ABCC4: variants seen among roughly 807,000 people sequenced by gnomAD.
ABCC4 encodes ATP binding cassette subfamily C member 4 (PEL blood group).
ABCC4 carries 102 observed loss-of-function variants against 168.5 expected under a neutral mutation model. The ratio of observed to expected loss-of-function variants is 0.61; its 90% CI spans 0.52 to 0.71. The LOEUF (loss-of-function observed/expected upper bound fraction) is 0.71. Among genes scored for constraint, ABCC4 ranks in the 30% least tolerant of loss-of-function variants. The probability of loss-of-function intolerance (pLI) is 0.00; values close to 1 mark genes in which losing one functional copy is unlikely to be tolerated. For missense variants in ABCC4, 1,402 were observed against 1,605.8 expected, an observed-to-expected ratio of 0.87 and a Z score of 2.17; for synonymous variants, 617 against 590.7, an observed-to-expected ratio of 1.04 and a Z score of -0.65.
At chr13:95,247,162 C>A (rs2040128515) in intron 2 of ABCC4, 67 bp from the exon 3 acceptor site, 1 of 1,523,854 alleles carries the variant, frequency 6.6e-7, no homozygotes, top group Admixed American at 2.0e-5. Context: ...GGGGAGATGG[C>A]AGAGTGACAG....
chr13:95,192,867 C>G (rs543421944), intron 9 of ABCC4, among the ~76,000 whole-genome samples: 6 of 151,974 alleles, frequency 3.9e-5, no homozygotes, highest in Non-Finnish European at 8.8e-5. Context: ...TACAGTGAGC[C>G]GAAATCACAG....
At chr13:95,101,802 T>C (rs1412101119) in intron 20 of ABCC4, among the ~76,000 whole-genome samples, 1 of 152,232 alleles carries the variant, frequency 6.6e-6, no homozygotes, top group African/African-American at 2.4e-5. Context: ...TACAAACTCA[T>C]GTCCTAATAC....
At chr13:95,142,601 A>T (rs1208170271) in intron 19 of ABCC4, among the ~76,000 whole-genome samples, 3 of 152,104 alleles carry the variant, frequency 2.0e-5, no homozygotes, top group African/African-American at 7.2e-5. Flanking sequence ...AAAATTTTTA[A>T]ATTTAACAAA....
intron 19 of ABCC4, among the ~76,000 whole-genome samples, chr13:95,125,853 T>A (rs1023362204): frequency 6.6e-6 from 1 of 152,174 alleles, no homozygotes; most frequent in Non-Finnish European, 1.5e-5. Flanking sequence ...CCTTTACCCA[T>A]GGATCTCAAG....
intron 13 of ABCC4, among the ~76,000 whole-genome samples, chr13:95,176,926 T>C (rs1181529697): frequency 6.6e-6 from 1 of 152,198 alleles, no homozygotes; most frequent in Non-Finnish European, 1.5e-5. Context: ...TTATAGAATA[T>C]ACAGAAAAGA....
At chr13:95,274,432 A>C (rs374932395) in intron 1 of ABCC4, among the ~76,000 whole-genome samples, 1 of 152,184 alleles carries the variant, frequency 6.6e-6, no homozygotes, top group Non-Finnish European at 1.5e-5. Context: ...CACCCCAGGA[A>C]GCAGTATTTC....
intron 19 of ABCC4, among the ~76,000 whole-genome samples, chr13:95,159,206 T>C (rs1434285836): frequency 6.8e-6 from 1 of 147,180 alleles, no homozygotes; most frequent in African/African-American, 2.5e-5. Context: ...TCCTTCACCA[T>C]TGTAAAAAGT....
intron 3 of ABCC4, among the ~76,000 whole-genome samples, chr13:95,239,463 T>C (rs1030572871): frequency 6.6e-6 from 1 of 152,206 alleles, no homozygotes; most frequent in Admixed American, 6.5e-5. Flanking sequence ...ATTCCACAGC[T>C]GGGGCAAAAA....
chr13:95,256,490 TCACGCCTGTAATCCCAA>T (rs2040395655), intron 1 of ABCC4, among the ~76,000 whole-genome samples: 1 of 152,220 alleles, frequency 6.6e-6, no homozygotes, highest in South Asian at 2.1e-4. Flanking sequence ...GGACTGTGGC[TCACGCCTGTAATCCCAA>T]CACCTTGGGA....
At chr13:95,129,907 T>A (rs2035903052) in intron 19 of ABCC4, among the ~76,000 whole-genome samples, 2 of 151,974 alleles carry the variant, frequency 1.3e-5, no homozygotes, top group South Asian at 4.2e-4. Context: ...AAACCCTCTC[T>A]CCACTAAAAA....
chr13:95,267,661 T>A lies in ABCC4; in HGVS notation c.75-19908A>T, dbSNP rs371144700. Among the ~76,000 whole-genome samples, 63 of 152,360 alleles carry A rather than the reference T, an allele frequency of 4.1e-4. 2 individuals carry two copies. The South Asian group carries it at 0.012, about 29-fold the overall frequency. ...TTTGGCTGGGTTTTATCCCTGGTTC[T>A]TCTAAATCCTTGGAATGCTCCAAGT... On this transcript the variant is annotated intron_variant, in intron 1 of 30. Transcript: ENST00000645237.
chr13:95,242,071 GC>G (rs1450096664), intron 3 of ABCC4, among the ~76,000 whole-genome samples: 1 of 152,086 alleles, frequency 6.6e-6, no homozygotes, highest in African/African-American at 2.4e-5. Flanking sequence ...GTTAAAAAAG[GC>G]CTGAAAGTCA....
chr13:95,284,427 T>C (rs1488573419), intron 1 of ABCC4, among the ~76,000 whole-genome samples: 1 of 151,836 alleles, frequency 6.6e-6, no homozygotes, highest in Non-Finnish European at 1.5e-5. Context: ...AGGCTCAAGC[T>C]ATCCACCTGC....
At position 95,170,609 on chromosome 13, in the gene ABCC4, G is replaced by A; in HGVS notation, c.1747C>T (p.His583Tyr). ...LFELCICQIL[H>Y]EKITILVTHQ... ...GTCACTAAAATTGTGATCTTCTCAT[G>A]CAAAATTTGACAAATACACCTATAA... The change falls in exon 14 of 31, where the codon CAT becomes TAT. Residue 583 changes from histidine to tyrosine, a missense_variant. This residue lies in a region of ABCC4 where 1,007 missense variants were observed against 1,127.3 expected (regional missense o/e 0.89). Coordinates refer to ENST00000645237, the MANE Select transcript of ABCC4 (RefSeq NM_005845.5). 3.1e-6 allele frequency: 5 copies of A among 1,610,822 alleles called. No homozygotes were observed. The highest frequency in any genetic ancestry group is 4.2e-6 in the Non-Finnish European group (5 of 1,178,788).
chr13:95,075,729 T>C (rs2033877177), intron 21 of ABCC4, 178 bp from the exon 22 acceptor site: 1 of 712,254 alleles, frequency 1.4e-6, no homozygotes, highest in South Asian at 2.1e-5. Context: ...CACTGGAATC[T>C]CAAGCTCCTG....
chr13:95,075,734 C>T (rs1232462783), intron 21 of ABCC4, 183 bp from the exon 22 acceptor site: 8 of 685,806 alleles, frequency 1.2e-5, no homozygotes, highest in Non-Finnish European at 1.6e-5. Context: ...GAATCTCAAG[C>T]TCCTGCTCAA....
At chr13:95,029,318 ACT>A (rs1320052505) in intron 30 of ABCC4, among the ~76,000 whole-genome samples, 3 of 149,388 alleles carry the variant, frequency 2.0e-5, no homozygotes, top group African/African-American at 4.9e-5. Context: ...AAATGAGGTA[ACT>A]ATATGTATTG....
Position 95,207,809 on chromosome 13 carries a change from T to C in ABCC4, c.902A>G (p.Asn301Ser). 1 of 1,611,468 alleles carries C rather than the reference T, an allele frequency of 6.2e-7. No homozygotes were observed. Among genetic ancestry groups the C allele is most frequent in the South Asian group, 1.1e-5 (1 of 90,444 alleles). Residue 301 changes from asparagine to serine, a missense_variant, in exon 7 of 31, where the codon AAT becomes AGT. This residue lies in a region of ABCC4 where 78 missense variants were observed against 133.0 expected (regional missense o/e 0.59). Transcript: ENST00000645237. ...GTATACAAAAACTTACTTTCTCAAA[T>C]TGGTAATAAGATTTGAAAATGACTT... ...WEKSFSNLIT[N>S]LRKKEISKIL...
chr13:95,066,284 T>C (rs2033540748), intron 25 of ABCC4, among the ~76,000 whole-genome samples: 1 of 152,232 alleles, frequency 6.6e-6, no homozygotes, highest in Non-Finnish European at 1.5e-5. Flanking sequence ...ACTTGTCCCC[T>C]CGTGTGGATT....
Sources: allele counts gnomAD v4.1 joint callset (sites outside exome capture counted in the v4.1 genomes callset), GRCh38; gene constraint gnomAD v4.1.1; regional missense constraint gnomAD v4.1.1; transcripts MANE v1.5; gene names NCBI Gene and HGNC (gene_info 2026-07-23, HGNC 2026-07-21).